PLCB4: variants seen among roughly 807,000 people sequenced by gnomAD.
The protein encoded by PLCB4 is phospholipase C beta 4.
A neutral mutation model predicts 178.8 loss-of-function variants in PLCB4; 77 were observed. The ratio of observed to expected loss-of-function variants is 0.43; its 90% CI spans 0.36 to 0.52. The LOEUF (loss-of-function observed/expected upper bound fraction) is 0.52. Ranked by LOEUF, PLCB4 falls within the 20% of genes least tolerant of loss-of-function variation. The pLI is 0.00. For synonymous variants in PLCB4, 496 were observed against 490.8 expected, an observed-to-expected ratio of 1.01 and a Z score of -0.14; for missense variants, 1,024 against 1,453.4, an observed-to-expected ratio of 0.70 and a Z score of 4.80.
chr20:9,196,062 A>G (rs577807188), intron 2 of PLCB4, among the ~76,000 whole-genome samples: 1 of 152,326 alleles, frequency 6.6e-6, no homozygotes, highest in Non-Finnish European at 1.5e-5. Context: ...TTAAGCAGAA[A>G]GGGCTCTTGA....
chr20:9,316,836 C>T (rs770156795), intron 4 of PLCB4, among the ~76,000 whole-genome samples: 7 of 152,180 alleles, frequency 4.6e-5, no homozygotes, highest in Admixed American at 3.9e-4. Context: ...CCTGTTCCTT[C>T]CTCTAGACCA....
At position 9,242,856 on chromosome 20, in the gene PLCB4, T is replaced by C. The variant is rs1007379680; in HGVS notation, c.-16+25404T>C. Among the ~76,000 whole-genome samples, 3 of 152,100 alleles carry C rather than the reference T, an allele frequency of 2.0e-5. No individual in the cohort carries two copies. In the South Asian group the frequency reaches 6.2e-4, roughly 32 times the overall value. On this transcript the variant is annotated intron_variant, in intron 3 of 39. Transcript: ENST00000378473. ...GGAGTGGGATCTAGGCATCTGCGAG[T>C]TAACAGCCCTCCCCAGGTGATGTTG...
chr20:9,267,023 T>G (rs1417360391), intron 3 of PLCB4, among the ~76,000 whole-genome samples: 1 of 152,156 alleles, frequency 6.6e-6, no homozygotes, highest in Non-Finnish European at 1.5e-5. Context: ...AGCAAGTTTA[T>G]GATAAAATGG....
chr20:9,377,633 G>T (rs1023082994), intron 12 of PLCB4, among the ~76,000 whole-genome samples: 2 of 152,134 alleles, frequency 1.3e-5, no homozygotes, highest in African/African-American at 4.8e-5. Flanking sequence ...ATGCTTATTT[G>T]CTGCGAATGT....
At chr20:9,305,848 A>G (rs2094759162) in intron 3 of PLCB4, among the ~76,000 whole-genome samples, 2 of 152,182 alleles carry the variant, frequency 1.3e-5, no homozygotes, top group Admixed American at 1.3e-4. Context: ...GATGTACCTG[A>G]TATCAGTCTC....
chr20:9,441,583 C>T (rs989836672), intron 30 of PLCB4, among the ~76,000 whole-genome samples: 3 of 152,106 alleles, frequency 2.0e-5, no homozygotes, highest in Non-Finnish European at 4.4e-5. Flanking sequence ...CCAGTAGGCA[C>T]CTGGAACTTA....
chr20:9,095,038 G>A (rs868049497), intron 1 of PLCB4, among the ~76,000 whole-genome samples: 24 of 152,178 alleles, frequency 1.6e-4, no homozygotes, highest in Non-Finnish European at 2.1e-4. Context: ...GGCTTACACT[G>A]GGGAGTCCAC....
chr20:9,216,283 T>C (rs956887611), intron 2 of PLCB4, among the ~76,000 whole-genome samples: 4 of 152,084 alleles, frequency 2.6e-5, no homozygotes, highest in Non-Finnish European at 5.9e-5. Flanking sequence ...AGTGGTGCCA[T>C]CTCGGCTTGC....
intron 2 of PLCB4, among the ~76,000 whole-genome samples, chr20:9,212,040 G>A (rs1568957394): frequency 6.6e-6 from 1 of 152,130 alleles, no homozygotes; most frequent in African/African-American, 2.4e-5. Context: ...TCAAGAGGTG[G>A]GACCATTTCT....
chr20:9,221,452 G>A (rs997221867), intron 3 of PLCB4, among the ~76,000 whole-genome samples: 12 of 152,210 alleles, frequency 7.9e-5, no homozygotes, highest in African/African-American at 2.9e-4. Context: ...GGGCACACAA[G>A]ACGATTAAAG....
In PLCB4 at chr20:9,334,256, G is replaced by A. The variant is rs116193843; in HGVS notation, c.85-2870G>A. Among the ~76,000 whole-genome samples the A allele has an allele frequency of 3.7e-3, 556 of 152,284 alleles. 1 individual carries two copies. Among genetic ancestry groups the A allele is most frequent in the African/African-American group, 0.012 (482 of 41,558 alleles). On this transcript the variant is annotated intron_variant, in intron 4 of 39. Coordinates refer to ENST00000378473, the MANE Select transcript of PLCB4 (RefSeq NM_001377142.1). ...ACTCTCAGAGATCAACTCAGGTGAG[G>A]AAAGGAAGGTGTGCACTCCTATTTT...
chr20:9,435,368 C>T (rs546642814), intron 28 of PLCB4, among the ~76,000 whole-genome samples, 192 bp from the exon 29 acceptor site: 95 of 152,362 alleles, frequency 6.2e-4, no homozygotes, highest in African/African-American at 2.3e-3. Context: ...TGGTCTTTGG[C>T]CCTTGCTTTT....
intron 2 of PLCB4, among the ~76,000 whole-genome samples, chr20:9,108,696 C>T (rs948983534): frequency 2.0e-5 from 3 of 147,448 alleles, no homozygotes; most frequent in African/African-American, 7.5e-5. Context: ...GATATAGCAG[C>T]CAAAAAAGAA....
intron 2 of PLCB4, among the ~76,000 whole-genome samples, chr20:9,212,304 A>G (rs567660986): frequency 6.6e-6 from 1 of 152,348 alleles, no homozygotes; most frequent in Non-Finnish European, 1.5e-5. Flanking sequence ...AATCATTTCC[A>G]TGTTCAGTAT....
At chr20:9,306,985 G>A (rs1341378994) in intron 3 of PLCB4, among the ~76,000 whole-genome samples, 1 of 152,154 alleles carries the variant, frequency 6.6e-6, no homozygotes, top group African/African-American at 2.4e-5. Context: ...GTAAGACAGG[G>A]TTTCATTGGG....
rs1170637265 is a variant in PLCB4, at chr20:9,278,903, A to G, written c.-15-28897A>G. Among the ~76,000 whole-genome samples, 3 of 152,164 alleles carry G rather than the reference A, an allele frequency of 2.0e-5. 1 individual carries two copies. Among genetic ancestry groups the G allele is most frequent in the Non-Finnish European group, 4.4e-5 (3 of 67,954 alleles). On this transcript the variant is annotated intron_variant, in intron 3 of 39. Coordinates refer to ENST00000378473, the MANE Select transcript of PLCB4 (RefSeq NM_001377142.1). ...AATAAGTACGCATTGAGAAGTTACC[A>G]TGTGCCAGGAGAACACAAAAATGAA...
chr20:9,400,311 A>G (rs1050786894), intron 19 of PLCB4, among the ~76,000 whole-genome samples: 3 of 152,218 alleles, frequency 2.0e-5, no homozygotes, highest in African/African-American at 7.2e-5. Context: ...TATTATGACT[A>G]AGAAAGAAAA....
chr20:9,212,875 A>G (rs2093687540), intron 2 of PLCB4, among the ~76,000 whole-genome samples: 1 of 152,196 alleles, frequency 6.6e-6, no homozygotes, highest in African/African-American at 2.4e-5. Context: ...TTTACATATC[A>G]TAAAATGCAC....
At chr20:9,206,192 T>A (rs2093611429) in intron 2 of PLCB4, among the ~76,000 whole-genome samples, 1 of 152,178 alleles carries the variant, frequency 6.6e-6, no homozygotes, top group African/African-American at 2.4e-5. Context: ...TAAATCAGGT[T>A]ATTTGGAAAT....
Sources: gnomAD v4.1 joint callset for allele counts (sites outside exome capture counted in the v4.1 genomes callset) on GRCh38, gnomAD v4.1.1 for gene constraint, MANE v1.5 for transcripts, NCBI Gene and HGNC (gene_info 2026-07-23, HGNC 2026-07-21) for gene names.